Variants in RAD54L2 observed in about 807,000 individuals in gnomAD.
RAD54L2 encodes the protein helicase ARIP4.
RAD54L2 carries 27 observed loss-of-function variants against 138.4 expected under a neutral mutation model. The ratio of observed to expected loss-of-function variants is 0.20; its 90% CI spans 0.14 to 0.27. The LOEUF (loss-of-function observed/expected upper bound fraction) is 0.27. Ranked by LOEUF, RAD54L2 falls within the 10% of genes least tolerant of loss-of-function variation. The pLI is 1.00. For missense variants in RAD54L2, 1,396 were observed against 1,890.2 expected (o/e 0.74, Z 4.85); for synonymous variants, 644 against 723.2 (o/e 0.89, Z 1.76).
chr3:51,566,231 C>T (rs1410483797), intron 2 of RAD54L2, among the ~76,000 whole-genome samples: 2 of 152,064 alleles, frequency 1.3e-5, no homozygotes, highest in Non-Finnish European at 2.9e-5. Flanking sequence ...AGTCCCTTTG[C>T]CTTTTTTTCG....
intron 2 of RAD54L2, among the ~76,000 whole-genome samples, chr3:51,577,856 G>A (rs1699514763): frequency 6.6e-6 from 1 of 152,108 alleles, no homozygotes; most frequent in South Asian, 2.1e-4. Context: ...CGCTTACGCT[G>A]GGAGCTGTAG....
chr3:51,577,981 G>C (rs1388800762), intron 2 of RAD54L2, among the ~76,000 whole-genome samples: 1 of 151,916 alleles, frequency 6.6e-6, no homozygotes, highest in Non-Finnish European at 1.5e-5. Flanking sequence ...ATTGCCTAAG[G>C]ATGTTCTGTT....
Position 51,662,310 on chromosome 3 carries a change from A to G in RAD54L2, c.3410-116A>G, listed in dbSNP as rs1701798656. 2.1e-6 allele frequency: 2 copies of G among 957,990 alleles called. No individual in the cohort carries two copies. The highest frequency in any genetic ancestry group is 1.7e-5 in the African/African-American group (1 of 58,936). The allele number at this position is 957,990 out of a possible 1,614,324, so 59.3% of individuals were successfully genotyped here. Reference sequence around the variant, plus strand: ...GACTGGGTGATGTTGTTCAGACATCAAACTATTAGAATTTTGGGGACTACA... The same window carrying G: ...GACTGGGTGATGTTGTTCAGACATCGAACTATTAGAATTTTGGGGACTACA... On this transcript the variant is annotated intron_variant, in intron 22 of 22. Coordinates refer to ENST00000684192, the MANE Select transcript of RAD54L2 (RefSeq NM_015106.4). The surrounding 1 kb of genome is among the most constrained non-coding windows in gnomAD (Gnocchi z 4.6).
intron 3 of RAD54L2, among the ~76,000 whole-genome samples, chr3:51,609,822 C>G (rs1222203395): frequency 1.3e-5 from 2 of 151,694 alleles, no homozygotes; most frequent in Non-Finnish European, 1.5e-5. Flanking sequence ...TTCTCTTTGC[C>G]CATTCCTTCT....
rs931222101 is a variant in RAD54L2 at position 51,626,433 on chromosome 3, G to A, written c.140-1120G>A. Among the ~76,000 whole-genome samples, 55 of 16,254 alleles carry A rather than the reference G, an allele frequency of 3.4e-3. 1 individual carries two copies. The highest frequency in any genetic ancestry group is 0.011 in the African/African-American group (51 of 4,470). 10.7% of individuals were successfully genotyped at this position (16,254 alleles called of 152,430 possible). On this transcript the variant is annotated intron_variant, in intron 3 of 22. Transcript: ENST00000684192. Reference sequence around the variant, plus strand: ...AAATGACATCCCCTGGACCCCCAACGATCTTTTTTTTTTTTTTTTTTTTTT... The same window carrying A: ...AAATGACATCCCCTGGACCCCCAACAATCTTTTTTTTTTTTTTTTTTTTTT...
chr3:51,656,014 C>T lies in RAD54L2; in HGVS notation c.3070C>T (p.Arg1024Cys), dbSNP rs1247151828. The T allele has an allele frequency of 2.5e-6, 4 of 1,613,322 alleles. No homozygotes were observed. Among genetic ancestry groups the T allele is most frequent in the Non-Finnish European group, 3.4e-6 (4 of 1,179,490 alleles). Reference sequence around the variant, plus strand: ...TGATGAAAAGCCTGTGGCCAGTGTTCGTCCTGTGCAGTCCACCCCCATCCC... The same window carrying T: ...TGATGAAAAGCCTGTGGCCAGTGTTTGTCCTGTGCAGTCCACCCCCATCCC... ...KGDEKPVASV[R>C]PVQSTPIPMM... Residue 1024 changes from arginine (R) to cysteine (C), a missense_variant, in exon 20 of 23, where the codon CGT becomes TGT. Arg to Cys is a radical substitution (Grantham distance 180). Around this residue, in one of 7 missense-constraint regions of RAD54L2, gnomAD observed 634 missense variants for 711.2 expected, o/e 0.89. Coordinates refer to ENST00000684192, the MANE Select transcript of RAD54L2 (RefSeq NM_015106.4).
At chr3:51,593,612 G>T (rs1391609462) in intron 3 of RAD54L2, among the ~76,000 whole-genome samples, 1 of 152,108 alleles carries the variant, frequency 6.6e-6, no homozygotes, top group African/African-American at 2.4e-5. Context: ...CATTACAGGC[G>T]TGAGCCACTG....
intron 2 of RAD54L2, among the ~76,000 whole-genome samples, chr3:51,588,210 A>AG (rs1228077180): frequency 6.8e-6 from 1 of 147,784 alleles, no homozygotes; most frequent in Non-Finnish European, 1.5e-5. Context: ...AAAAAAAAAA[A>AG]AAGATGATTT....
At chr3:51,639,767 C>A in intron 13 of RAD54L2, 97 bp downstream of exon 13, 2 of 1,530,626 alleles carry the variant, frequency 1.3e-6, no homozygotes, top group Non-Finnish European at 1.8e-6. Flanking sequence ...TGGCTAGGGT[C>A]TCTGTATGGA....
At chr3:51,561,480 G>A (rs910019149) in intron 2 of RAD54L2, among the ~76,000 whole-genome samples, 30 of 152,084 alleles carry the variant, frequency 2.0e-4, no homozygotes, top group African/African-American at 7.2e-4. Flanking sequence ...CCTGACCTCA[G>A]GTGATCTGCC....
At chr3:51,576,365 A>AT in intron 2 of RAD54L2, among the ~76,000 whole-genome samples, 1 of 152,320 alleles carries the variant, frequency 6.6e-6, no homozygotes, top group Middle Eastern at 3.4e-3. Flanking sequence ...GCCTCATAAA[A>AT]TGAGTTAGGT....
rs1443848961 is a variant in RAD54L2, at chr3:51,638,091, T to G, written c.1683-53T>G. On this transcript the variant is annotated intron_variant, in intron 11 of 22. Coordinates refer to ENST00000684192, the MANE Select transcript of RAD54L2 (RefSeq NM_015106.4). This position sits in a 1 kb window ranked among gnomAD's most constrained non-coding sequence, Gnocchi z 4.3. ...AAAAGGCTCTGTTTTTATCTTGTGC[T>G]GACCCCTCCTGGCCACACTACCTTG... 4 of 1,563,320 alleles carry G rather than the reference T, an allele frequency of 2.6e-6. No homozygotes were observed. Among genetic ancestry groups the G allele is most frequent in the Middle Eastern group, 1.7e-4 (1 of 5,960 alleles).
At chr3:51,589,709 TACAC>T (rs1234760645) in intron 2 of RAD54L2, among the ~76,000 whole-genome samples, 2 of 108,744 alleles carry the variant, frequency 1.8e-5, no homozygotes, top group African/African-American at 6.5e-5. Flanking sequence ...CACACACACA[TACAC>T]ACACATATAT....
At chr3:51,606,907 G>A (rs1023005385) in intron 3 of RAD54L2, among the ~76,000 whole-genome samples, 1 of 151,574 alleles carries the variant, frequency 6.6e-6, no homozygotes, top group African/African-American at 2.4e-5. Context: ...GTCTCAAACT[G>A]CTGACTTCAG....
At chr3:51,614,339 T>C (rs1037058891) in intron 3 of RAD54L2, among the ~76,000 whole-genome samples, 4 of 152,094 alleles carry the variant, frequency 2.6e-5, no homozygotes, top group Non-Finnish European at 5.9e-5. Context: ...TTTTTTTTTA[T>C]TTTTTGTAGA....
At chr3:51,586,529 G>T (rs1577404823) in intron 2 of RAD54L2, among the ~76,000 whole-genome samples, 1 of 150,382 alleles carries the variant, frequency 6.6e-6, no homozygotes, top group South Asian at 2.1e-4. Context: ...ATTAAAAATG[G>T]TTCTCTAAAA....
intron 15 of RAD54L2, among the ~76,000 whole-genome samples, chr3:51,642,855 CA>C (rs1419978638): frequency 1.3e-5 from 2 of 152,076 alleles, no homozygotes; most frequent in Non-Finnish European, 2.9e-5. Context: ...TGTTTGAACT[CA>C]GGTTGGAAAA....
chr3:51,598,897 C>T (rs951271566), intron 3 of RAD54L2, among the ~76,000 whole-genome samples: 2 of 152,120 alleles, frequency 1.3e-5, no homozygotes, highest in Non-Finnish European at 2.9e-5. Flanking sequence ...AGCATCTCCT[C>T]ATCTGTATCC....
chr3:51,643,790 C>A, intron 15 of RAD54L2, 85 bp from the exon 16 acceptor site: 1 of 1,046,382 alleles, frequency 9.6e-7, no homozygotes, highest in Non-Finnish European at 1.5e-6. Flanking sequence ...ATTTGTTTTG[C>A]TCTTTAAAAC....
Sources: allele counts gnomAD v4.1 joint callset (sites outside exome capture counted in the v4.1 genomes callset), GRCh38; gene constraint gnomAD v4.1.1; regional missense constraint gnomAD v4.1.1; non-coding constraint Gnocchi (gnomAD v3.1); transcripts MANE v1.5; gene names NCBI Gene and HGNC (gene_info 2026-07-23, HGNC 2026-07-21).